HDAC9: variants seen among roughly 807,000 people sequenced by gnomAD.
HDAC9 encodes MEF-2 interacting transcription repressor (MITR) protein.
HDAC9 carries 41 observed loss-of-function variants against 139.4 expected under a neutral mutation model. That is an observed-to-expected ratio of 0.29 (90% CI 0.23 to 0.38). The LOEUF (loss-of-function observed/expected upper bound fraction) is 0.38. HDAC9 is among the 10% of genes least tolerant of loss of function. The pLI, the probability that HDAC9 is intolerant of heterozygous loss-of-function variation, is 1.00. For synonymous variants in HDAC9, 517 were observed against 476.2 expected (o/e 1.09, Z -1.12); for missense variants, 1,147 against 1,297.0 (o/e 0.88, Z 1.78).
intron 24 of HDAC9, 66 bp from the exon 25 acceptor site, chr7:18,975,740 G>A (rs1784508737): frequency 6.8e-7 from 1 of 1,463,664 alleles, no homozygotes; most frequent in Non-Finnish European, 9.5e-7. Context: ...TTGGACGTAT[G>A]TGAGTATTCT....
intron 1 of HDAC9, among the ~76,000 whole-genome samples, chr7:18,148,483 T>A (rs1215705542): frequency 6.6e-6 from 1 of 151,822 alleles, no homozygotes; most frequent in East Asian, 1.9e-4. Context: ...TGAGATGGAG[T>A]CTTGCTTTTG....
intron 1 of HDAC9, among the ~76,000 whole-genome samples, chr7:18,344,642 C>T (rs1443684120): frequency 3.9e-5 from 6 of 151,932 alleles, no homozygotes; most frequent in Admixed American, 2.6e-4. Context: ...ATAGAATCCA[C>T]ATATTTTCAG....
At chr7:18,573,012 T>C (rs1053631866) in intron 2 of HDAC9, among the ~76,000 whole-genome samples, 2 of 152,262 alleles carry the variant, frequency 1.3e-5, no homozygotes, top group African/African-American at 2.4e-5. Flanking sequence ...GAAGTTAGCT[T>C]GCTTTAACTT....
At chr7:18,096,864 A>T (rs1782536878) in intron 1 of HDAC9, among the ~76,000 whole-genome samples, 1 of 151,162 alleles carries the variant, frequency 6.6e-6, no homozygotes, top group Non-Finnish European at 1.5e-5. Context: ...TGAATGAAAG[A>T]ATGGATGACT....
intron 1 of HDAC9, among the ~76,000 whole-genome samples, chr7:18,382,838 AACTT>A (rs1785558397): frequency 1.3e-5 from 2 of 152,364 alleles, no homozygotes; most frequent in Middle Eastern, 6.8e-3. Context: ...AATATACTGA[AACTT>A]AAGGAAGTAT....
At chr7:18,216,450 C>T (rs1421708282) in intron 2 of HDAC9, among the ~76,000 whole-genome samples, 1 of 152,054 alleles carries the variant, frequency 6.6e-6, no homozygotes, top group Non-Finnish European at 1.5e-5. Flanking sequence ...ATCTGTACAT[C>T]TGGTTTTGTT....
At chr7:18,300,567 A>G (rs1798472268) in intron 1 of HDAC9, among the ~76,000 whole-genome samples, 1 of 152,140 alleles carries the variant, frequency 6.6e-6, no homozygotes, top group Admixed American at 6.6e-5. Flanking sequence ...TGTAGACATT[A>G]TTTTTATCAC....
intron 11 of HDAC9, among the ~76,000 whole-genome samples, chr7:18,649,511 A>G (rs1440849453): frequency 1.3e-5 from 2 of 152,270 alleles, no homozygotes; most frequent in East Asian, 3.9e-4. Flanking sequence ...TCTACAAGTT[A>G]TGTTACAGAG....
chr7:18,147,668 T>C (rs1392030299), intron 1 of HDAC9, among the ~76,000 whole-genome samples: 7 of 150,736 alleles, frequency 4.6e-5, no homozygotes, highest in African/African-American at 1.7e-4. Flanking sequence ...ATTTAAAATA[T>C]AGTTGAAGTG....
Position 18,941,159 on chromosome 7 carries a change from C to CTT in HDAC9, c.2937+5226_2937+5227dup, listed in dbSNP as rs72216267. Among the ~76,000 whole-genome samples the CTT allele has an allele frequency of 2.3e-3, 341 of 148,880 alleles. 3 individuals are homozygous for CTT. Among genetic ancestry groups the CTT allele is most frequent in the East Asian group, 7.2e-3 (36 of 5,016 alleles). On this transcript the variant is annotated intron_variant, in intron 23 of 25. Transcript: ENST00000686413. Reference sequence around the variant, plus strand: ...ATTCTGATTTCTTTTTTTGTCTCTTCTTTTTTTTTTCTTTTCTTTCCCTCC... The same window carrying CTT: ...ATTCTGATTTCTTTTTTTGTCTCTTCTTTTTTTTTTTTCTTTTCTTTCCCTCC...
chr7:18,313,384 A>G (rs1042831394), intron 1 of HDAC9, among the ~76,000 whole-genome samples: 1 of 152,190 alleles, frequency 6.6e-6, no homozygotes, highest in South Asian at 2.1e-4. Flanking sequence ...AAATAATGCT[A>G]TAAATTCTTT....
chr7:18,873,021 C>G (rs2129245180), intron 21 of HDAC9, among the ~76,000 whole-genome samples: 1 of 152,148 alleles, frequency 6.6e-6, no homozygotes, highest in South Asian at 2.1e-4. Context: ...TTTGGAAAAA[C>G]TTGTTTCAAT....
intron 1 of HDAC9, among the ~76,000 whole-genome samples, chr7:18,440,080 A>G (rs1239973879): frequency 6.6e-6 from 1 of 152,214 alleles, no homozygotes; most frequent in Non-Finnish European, 1.5e-5. Context: ...TGGAGACTGT[A>G]AGAGAAATTC....
At chr7:18,149,987 G>C (rs899429375) in intron 1 of HDAC9, among the ~76,000 whole-genome samples, 2 of 151,918 alleles carry the variant, frequency 1.3e-5, no homozygotes, top group East Asian at 3.9e-4. Context: ...GTAATCTAAA[G>C]TGCTCAGCCA....
chr7:18,131,349 G>C (rs546611218), intron 1 of HDAC9, among the ~76,000 whole-genome samples: 1 of 152,204 alleles, frequency 6.6e-6, no homozygotes, highest in South Asian at 2.1e-4. Flanking sequence ...AGCAAAATTT[G>C]GTTGTTGGGT....
chr7:18,836,800 C>T (rs1016325952), intron 21 of HDAC9, among the ~76,000 whole-genome samples: 4 of 152,008 alleles, frequency 2.6e-5, no homozygotes, highest in Admixed American at 1.3e-4. Flanking sequence ...GCCTCCCTTG[C>T]AAGATTTTTG....
At chr7:18,456,680 A>G (rs1248583974) in intron 1 of HDAC9, among the ~76,000 whole-genome samples, 4 of 152,166 alleles carry the variant, frequency 2.6e-5, no homozygotes, top group African/African-American at 9.6e-5. Context: ...TATTTCAGTT[A>G]TGATTTTCTC....
chr7:18,824,044 G>GAAGAAGAAGAA (rs1795197769), intron 17 of HDAC9, among the ~76,000 whole-genome samples: 1 of 67,184 alleles, frequency 1.5e-5, no homozygotes, highest in African/African-American at 4.6e-5. Flanking sequence ...AAGAGGAAGA[G>GAAGAAGAAGAA]GAAGAAGAAG....
chr7:18,949,215 CT>C, intron 23 of HDAC9: 1 of 203,774 alleles, frequency 4.9e-6, no homozygotes, highest in Non-Finnish European at 1.0e-5. Context: ...CTTCACTGAG[CT>C]TTTTCTTCAT....
Sources: allele counts gnomAD v4.1 joint callset (sites outside exome capture counted in the v4.1 genomes callset), GRCh38; gene constraint gnomAD v4.1.1; transcripts MANE v1.5; gene names NCBI Gene and HGNC (gene_info 2026-07-23, HGNC 2026-07-21).